The following IGFL4 variants were observed in gnomAD, a reference collection of about 807,000 sequenced individuals.
IGFL4 encodes the protein insulin growth factor-like family member 4.
A neutral mutation model predicts 15.4 loss-of-function variants in IGFL4; 12 were observed. The ratio of observed to expected loss-of-function variants is 0.78; its 90% confidence interval spans 0.50 to 1.26. The LOEUF is 1.26. Among genes scored for constraint, IGFL4 ranks in the 50% most tolerant of loss-of-function variants. IGFL4 has a pLI of 0.00. For synonymous variants in IGFL4, 54 were observed against 55.9 expected, an observed-to-expected ratio of 0.97 and a Z score of 0.16; for missense variants, 126 against 147.8, an observed-to-expected ratio of 0.85 and a Z score of 0.76.
At chr19:46,042,923 C>T (rs1445011861), upstream of IGFL4, among the ~76,000 whole-genome samples, 2 of 152,212 alleles carry the variant, frequency 1.3e-5, no homozygotes, top group African/African-American at 2.4e-5. Flanking sequence ...CCTCCCATGA[C>T]CTCACGTTCT....
intron 1 of IGFL4, among the ~76,000 whole-genome samples, chr19:46,063,732 T>C (rs1053030426): frequency 1.3e-5 from 2 of 152,178 alleles, no homozygotes; most frequent in Non-Finnish European, 2.9e-5. Context: ...GAAAGACCCA[T>C]ACTTGGGAAT....
At chr19:46,073,415 G>A (rs1050394156) in intron 1 of IGFL4, among the ~76,000 whole-genome samples, 3 of 152,102 alleles carry the variant, frequency 2.0e-5, no homozygotes, top group Non-Finnish European at 2.9e-5. Context: ...CTAGCCTGGG[G>A]TATAATGTCT....
At chr19:46,043,723 CAATGGG>C (rs1969269882), upstream of IGFL4, among the ~76,000 whole-genome samples, 1 of 151,690 alleles carries the variant, frequency 6.6e-6, no homozygotes, top group Admixed American at 6.6e-5. Context: ...TGGTGTGGGA[CAATGGG>C]CATGCATATG....
chr19:46,042,955 G>T (rs1177845476), upstream of IGFL4, among the ~76,000 whole-genome samples: 1 of 152,196 alleles, frequency 6.6e-6, no homozygotes, highest in Non-Finnish European at 1.5e-5. Flanking sequence ...AGAGTGTTCT[G>T]CCATGACATA....
chr19:46,067,833 T>G (rs947769711), intron 1 of IGFL4, among the ~76,000 whole-genome samples: 2 of 152,092 alleles, frequency 1.3e-5, no homozygotes, highest in African/African-American at 4.8e-5. Flanking sequence ...ACCAGATCTG[T>G]GACATCATGG....
intron 2 of IGFL4, among the ~76,000 whole-genome samples, chr19:46,054,970 T>G (rs1365374081): frequency 1.3e-5 from 2 of 152,194 alleles, no homozygotes. Context: ...TGGGTATTTA[T>G]AGGGCCACTT....
intron 2 of IGFL4, among the ~76,000 whole-genome samples, chr19:46,052,781 A>G (rs1375089158): frequency 6.6e-6 from 1 of 151,944 alleles, no homozygotes. Context: ...ATTGCTTTGC[A>G]GACATGAAAA....
chr19:46,068,272 AG>A (rs2146527875), intron 1 of IGFL4, among the ~76,000 whole-genome samples: 1 of 152,302 alleles, frequency 6.6e-6, no homozygotes, highest in Admixed American at 6.5e-5. Flanking sequence ...GGGCAGACAG[AG>A]CTGATGTTTC....
chr19:46,050,696 G>A (rs1172491664), intron 2 of IGFL4, among the ~76,000 whole-genome samples: 4 of 152,200 alleles, frequency 2.6e-5, no homozygotes, highest in Admixed American at 6.5e-5. Context: ...CCTAAGAATA[G>A]TTGGTGGTCC....
chr19:46,062,095 G>T (rs1225546196), intron 1 of IGFL4, among the ~76,000 whole-genome samples: 1 of 152,106 alleles, frequency 6.6e-6, no homozygotes, highest in Non-Finnish European at 1.5e-5. Context: ...TTTTTCCCAA[G>T]GAGTTCCATG....
At position 46,040,631 on chromosome 19, in the gene IGFL4, G is replaced by A. The variant is rs1969232688; in HGVS notation, c.20-63C>T. 1.9e-6 allele frequency: 3 copies of A among 1,555,350 alleles called. No individual in the cohort carries two copies. The East Asian group carries it at 6.8e-5, about 35-fold the overall frequency. On this transcript the variant is annotated intron_variant, in intron 1 of 3. Transcript: ENST00000377697. The surrounding 1 kb of genome is among the most constrained non-coding windows in gnomAD (Gnocchi z 4.1). ...CACTAGGTCTTGACCACGGGGCACAGGATGATGTCTCTGAGCTTCTCTGGT... is the reference window on the plus strand; with the variant it reads ...CACTAGGTCTTGACCACGGGGCACAAGATGATGTCTCTGAGCTTCTCTGGT...
upstream of IGFL4, among the ~76,000 whole-genome samples, chr19:46,045,716 A>C (rs1388640170): frequency 6.6e-6 from 1 of 152,132 alleles, no homozygotes; most frequent in Non-Finnish European, 1.5e-5. Flanking sequence ...GCAGACAAGA[A>C]TAGAGAAAAA....
At chr19:46,044,305 T>C (rs960380138), upstream of IGFL4, among the ~76,000 whole-genome samples, 3 of 152,208 alleles carry the variant, frequency 2.0e-5, no homozygotes, top group African/African-American at 7.2e-5. Flanking sequence ...TTACGTACTC[T>C]GGCCCTGGGA....
Position 46,040,234 on chromosome 19 carries a change from G to T in IGFL4, c.253C>A (p.Gln85Lys), listed in dbSNP as rs745701296. ...CCLESLGSQN[Q>K]TVVRFKVPGM... Reference sequence around the variant, plus strand: ...GGGACCTTGAACCTCACAACTGTCTGGTTCTGAGAGCCCAAAGACTCCAGG... The same window carrying T: ...GGGACCTTGAACCTCACAACTGTCTTGTTCTGAGAGCCCAAAGACTCCAGG... The change falls in exon 3 of 4, where the codon CAG (glutamine) becomes AAG (lysine). Residue 85 changes from glutamine to lysine, a missense_variant. Coordinates refer to ENST00000377697, the MANE Select transcript of IGFL4 (RefSeq NM_001002923.3). The surrounding 1 kb of genome is among the most constrained non-coding windows in gnomAD (Gnocchi z 4.1). 1.1e-5 allele frequency: 18 copies of T among 1,614,050 alleles called. No homozygotes were observed. In the African/African-American group the frequency reaches 2.1e-4, roughly 19 times the overall value.
At chr19:46,046,013 G>A (rs1019091151) in intron 2 of IGFL4, among the ~76,000 whole-genome samples, 1 of 152,130 alleles carries the variant, frequency 6.6e-6, no homozygotes, top group African/African-American at 2.4e-5. Context: ...GGCAGCCAGA[G>A]AGAAAGGCCA....
intron 2 of IGFL4, among the ~76,000 whole-genome samples, chr19:46,053,402 C>T (rs970515245): frequency 6.6e-6 from 1 of 151,946 alleles, no homozygotes; most frequent in Non-Finnish European, 1.5e-5. Flanking sequence ...TTTAGTAGAG[C>T]CGGGGTTTTA....
rs1016916726 is a variant in IGFL4, at chr19:46,040,119, C to T, written c.330+38G>A. On this transcript the variant is annotated intron_variant, in intron 3 of 3. Coordinates refer to ENST00000377697, the MANE Select transcript of IGFL4 (RefSeq NM_001002923.3). This position sits in a 1 kb window ranked among gnomAD's most constrained non-coding sequence, Gnocchi z 4.1. ...GGACAACCAAGCTCCATTCCCTACT[C>T]CCCCCTCCCACAGCCTGGACTGGAG... is the stretch of plus-strand genomic sequence containing the variant. 18 of 1,608,100 alleles carry T rather than the reference C, an allele frequency of 1.1e-5. No homozygotes were observed. The East Asian group carries it at 2.2e-4, about 20-fold the overall frequency.
At position 46,076,277 on chromosome 19, in the gene IGFL4, T is replaced by G. The variant is rs778780400; in HGVS notation, c.-432+743A>C. On this transcript the variant is annotated intron_variant, in intron 1 of 5. Coordinates refer to the IGFL4 transcript ENST00000601672. ...CGTGAATCTTGGAGGGACACAAAAATTCAGACCACAGTAGGGTCATAACCC... is the reference window on the plus strand; with the variant it reads ...CGTGAATCTTGGAGGGACACAAAAAGTCAGACCACAGTAGGGTCATAACCC... Among the ~76,000 whole-genome samples, 38 of 152,180 alleles carry G rather than the reference T, an allele frequency of 2.5e-4. 1 individual carries two copies. Among genetic ancestry groups the G allele is most frequent in the Non-Finnish European group, 2.9e-5 (2 of 68,028 alleles).
intron 1 of IGFL4, among the ~76,000 whole-genome samples, chr19:46,070,947 C>G (rs1470681836): frequency 6.6e-6 from 1 of 152,032 alleles, no homozygotes; most frequent in Non-Finnish European, 1.5e-5. Flanking sequence ...CCAGGTGACC[C>G]CAGGTGATGG....
Sources: gnomAD v4.1 joint callset for allele counts (sites outside exome capture counted in the v4.1 genomes callset) on GRCh38, gnomAD v4.1.1 for gene constraint, Gnocchi (gnomAD v3.1) non-coding constraint, MANE v1.5 for transcripts, NCBI Gene and HGNC (gene_info 2026-07-23, HGNC 2026-07-21) for gene names.